Variants in GPC5 observed in about 807,000 individuals in gnomAD.
The protein encoded by GPC5 is glypican 5, also known as glypican-5.
A neutral mutation model predicts 53.9 loss-of-function variants in GPC5; 47 were observed. That is an observed-to-expected ratio of 0.87 (90% CI 0.69 to 1.11). The LOEUF (loss-of-function observed/expected upper bound fraction) is 1.11, where lower values mean the gene tolerates loss of function less well. Among genes scored for constraint, GPC5 ranks in the 50% most tolerant of loss-of-function variants. The probability of loss-of-function intolerance (pLI) is 0.00; values close to 1 mark genes in which losing one functional copy is unlikely to be tolerated. For synonymous variants in GPC5, 286 were observed against 263.3 expected (o/e 1.09, Z -0.84); for missense variants, 748 against 713.1 (o/e 1.05, Z -0.56).
At chr13:92,261,328 A>G (rs2042765631) in intron 7 of GPC5, among the ~76,000 whole-genome samples, 1 of 152,160 alleles carries the variant, frequency 6.6e-6, no homozygotes, top group Non-Finnish European at 1.5e-5. Context: ...AGTGTGTTAC[A>G]TGTTGCAAGG....
At chr13:91,981,490 C>A (rs1049410945) in intron 6 of GPC5, among the ~76,000 whole-genome samples, 1 of 152,146 alleles carries the variant, frequency 6.6e-6, no homozygotes, top group South Asian at 2.1e-4. Context: ...TGGGTTTCAC[C>A]GTGTTAGCCA....
intron 6 of GPC5, among the ~76,000 whole-genome samples, chr13:92,093,698 G>C (rs949397163): frequency 2.6e-5 from 4 of 152,130 alleles, no homozygotes; most frequent in Admixed American, 2.0e-4. Context: ...TAATTCAGAT[G>C]AAACACAAGT....
chr13:92,395,037 T>C (rs187852889), intron 7 of GPC5, among the ~76,000 whole-genome samples: 1 of 152,138 alleles, frequency 6.6e-6, no homozygotes, highest in Non-Finnish European at 1.5e-5. Context: ...TTGGAGAAAA[T>C]ATATAATTGG....
At chr13:92,506,116 T>A (rs952450260) in intron 7 of GPC5, among the ~76,000 whole-genome samples, 1 of 152,150 alleles carries the variant, frequency 6.6e-6, no homozygotes, top group African/African-American at 2.4e-5. Context: ...TATTGAGTAT[T>A]AACTTAAATA....
rs1427559549 is a variant in GPC5, at chr13:92,179,953, C to T, written c.1561+34964C>T. Among the ~76,000 whole-genome samples the T allele has an allele frequency of 3.9e-5, 6 of 152,164 alleles. No individual in the cohort carries two copies. The East Asian group carries it at 5.8e-4, about 15-fold the overall frequency. ...AAAATTTTATGAATATGATTTACTA[C>T]GGTTTTTACTGTGGACAAACAATGT... is the stretch of plus-strand genomic sequence containing the variant. On this transcript the variant is annotated intron_variant, in intron 7 of 7. Coordinates refer to ENST00000377067, the MANE Select transcript of GPC5 (RefSeq NM_004466.6).
At chr13:92,849,048 T>C (rs1015301298) in intron 7 of GPC5, among the ~76,000 whole-genome samples, 5 of 152,164 alleles carry the variant, frequency 3.3e-5, no homozygotes, top group African/African-American at 1.2e-4. Context: ...GTTATTTTCA[T>C]AAGATCTTGT....
At chr13:92,347,886 ATATAT>A (rs1436915064) in intron 7 of GPC5, among the ~76,000 whole-genome samples, 1 of 19,472 alleles carries the variant, frequency 5.1e-5, no homozygotes, top group Non-Finnish European at 7.2e-5. Context: ...TATATATTAT[ATATAT>A]TATATATATA....
chr13:91,716,510 A>T (rs537965234), intron 3 of GPC5, among the ~76,000 whole-genome samples: 1 of 152,218 alleles, frequency 6.6e-6, no homozygotes, highest in Non-Finnish European at 1.5e-5. Context: ...ATCAGCTTTT[A>T]TGTTTATTGC....
intron 6 of GPC5, among the ~76,000 whole-genome samples, chr13:92,085,073 A>G (rs1021290942): frequency 2.9e-4 from 44 of 152,206 alleles, no homozygotes; most frequent in African/African-American, 1.1e-3. Context: ...CACTAATCCC[A>G]TTCATGAGAG....
intron 5 of GPC5, among the ~76,000 whole-genome samples, chr13:91,758,120 C>CT (rs1465570076): frequency 6.6e-6 from 1 of 151,920 alleles, no homozygotes; most frequent in Non-Finnish European, 1.5e-5. Context: ...GACTAGTGCT[C>CT]TTTTTTCATT....
At chr13:92,112,793 T>C (rs1300215708) in intron 6 of GPC5, among the ~76,000 whole-genome samples, 1 of 152,126 alleles carries the variant, frequency 6.6e-6, no homozygotes, top group Non-Finnish European at 1.5e-5. Flanking sequence ...TAGTATAGGT[T>C]GAAAAGCCAG....
chr13:91,456,082 C>G (rs1007605516), intron 2 of GPC5, among the ~76,000 whole-genome samples: 4 of 152,094 alleles, frequency 2.6e-5, no homozygotes, highest in Admixed American at 6.6e-5. Context: ...CTCTCCTCCC[C>G]AGATAGTGAG....
intron 1 of GPC5, among the ~76,000 whole-genome samples, chr13:91,439,933 ATTC>A (rs1243108912): frequency 6.6e-6 from 1 of 152,188 alleles, no homozygotes; most frequent in African/African-American, 2.4e-5. Context: ...TTGCAATAAA[ATTC>A]TTCTACAAGG....
chr13:92,757,742 C>T (rs1181345574), intron 7 of GPC5, among the ~76,000 whole-genome samples: 2 of 152,210 alleles, frequency 1.3e-5, no homozygotes, highest in East Asian at 1.9e-4. Context: ...TGCTCATCAT[C>T]ACTGGCCATC....
At chr13:91,722,197 T>G (rs2036488694) in intron 3 of GPC5, among the ~76,000 whole-genome samples, 1 of 152,244 alleles carries the variant, frequency 6.6e-6, no homozygotes, top group Non-Finnish European at 1.5e-5. Flanking sequence ...TTGAAATCCT[T>G]GGTCAATTCT....
intron 5 of GPC5, among the ~76,000 whole-genome samples, chr13:91,778,854 G>T (rs186955178): frequency 6.6e-5 from 10 of 152,356 alleles, no homozygotes; most frequent in Admixed American, 6.5e-4. Context: ...AAGCTTAGAT[G>T]ATACAGCTTC....
At chr13:91,833,203 A>C (rs571673585) in intron 5 of GPC5, among the ~76,000 whole-genome samples, 1 of 152,174 alleles carries the variant, frequency 6.6e-6, no homozygotes, top group South Asian at 2.1e-4. Context: ...GGAAGAAGTC[A>C]AATCCCTGAA....
chr13:92,561,350 C>T (rs571851703), intron 7 of GPC5, among the ~76,000 whole-genome samples: 3 of 152,050 alleles, frequency 2.0e-5, no homozygotes, highest in East Asian at 1.9e-4. Flanking sequence ...AGTGGTTGAG[C>T]GCGTGGTCTC....
chr13:91,922,168 A>G (rs9523451), intron 6 of GPC5, among the ~76,000 whole-genome samples: 72,214 of 151,892 alleles, frequency 0.48, 17,771 homozygotes, highest in East Asian at 0.71. Context: ...AATCAGGTTG[A>G]TTATGATTGT....
Sources: gnomAD v4.1 joint callset for allele counts (sites outside exome capture counted in the v4.1 genomes callset) on GRCh38, gnomAD v4.1.1 for gene constraint, MANE v1.5 for transcripts, NCBI Gene and HGNC (gene_info 2026-07-23, HGNC 2026-07-21) for gene names.